ZMAT5: variants seen among roughly 807,000 people sequenced by gnomAD.
The protein encoded by ZMAT5 is zinc finger matrin-type protein 5.
Under a neutral mutation model 28.0 loss-of-function variants are expected in ZMAT5, and 23 were observed. The observed-to-expected ratio is 0.82, with a 90% CI of 0.59 to 1.16. ZMAT5 has a LOEUF of 1.16. ZMAT5 is among the 50% of genes most tolerant of loss of function. The pLI is 0.00. For missense variants in ZMAT5, 173 were observed against 212.7 expected (o/e 0.81, Z 1.16); for synonymous variants, 76 against 84.1 (o/e 0.90, Z 0.52).
At chr22:29,754,475 G>A (rs1483920790) in intron 1 of ZMAT5, among the ~76,000 whole-genome samples, 1 of 152,218 alleles carries the variant, frequency 6.6e-6, no homozygotes. Flanking sequence ...CTGCTTATGA[G>A]CTGGGTGACC....
At chr22:29,766,188 G>A (rs1360322490) in intron 1 of ZMAT5, among the ~76,000 whole-genome samples, 1 of 152,170 alleles carries the variant, frequency 6.6e-6, no homozygotes, top group Non-Finnish European at 1.5e-5. Flanking sequence ...CGTAAGGTGG[G>A]TTCCAAGGCC....
chr22:29,731,070 C>T lies in ZMAT5; in HGVS notation c.*155G>A, dbSNP rs561882076. 3.1e-5 allele frequency: 23 copies of T among 740,884 alleles called. No homozygotes were observed. The highest frequency in any genetic ancestry group is 2.1e-4 in the East Asian group (7 of 33,050). 45.9% of individuals were successfully genotyped at this position (740,884 alleles called of 1,614,324 possible). A position where few individuals can be genotyped will look rare whatever the true frequency, so the allele number is the denominator to read the frequency against. On this transcript the variant is annotated 3_prime_UTR_variant, in exon 6 of 6. Coordinates refer to ENST00000344318, the MANE Select transcript of ZMAT5 (RefSeq NM_001003692.2). ...AGAGCTGCCCGGTGCAGACCCAGGACGAGGGCTGCACTTGGTGTGGCCGTG... is the reference window on the plus strand; with the variant it reads ...AGAGCTGCCCGGTGCAGACCCAGGATGAGGGCTGCACTTGGTGTGGCCGTG...
rs774617681 is a variant in ZMAT5, at chr22:29,738,456, A to C, written c.272-15T>G. 37 of 1,606,458 alleles carry C rather than the reference A, an allele frequency of 2.3e-5. No individual in the cohort carries two copies. The highest frequency in any genetic ancestry group is 3.1e-5 in the Non-Finnish European group (37 of 1,178,216). On this transcript the variant is annotated splice_polypyrimidine_tract_variant and intron_variant, in intron 4 of 5. Coordinates refer to ENST00000344318, the MANE Select transcript of ZMAT5 (RefSeq NM_001003692.2). ...TCGCCTCTCCTCTGTGGGGACAGGG[A>C]GACAAAGGCAAGTGAGGGGTACACT...
chr22:29,753,515 A>T (rs1601726570), intron 1 of ZMAT5, among the ~76,000 whole-genome samples: 1 of 151,298 alleles, frequency 6.6e-6, no homozygotes. Flanking sequence ...ACAGAGCAAG[A>T]CTCCATCTGA....
intron 5 of ZMAT5, among the ~76,000 whole-genome samples, chr22:29,736,470 A>C (rs982150275): frequency 6.6e-6 from 1 of 152,204 alleles, no homozygotes; most frequent in African/African-American, 2.4e-5. Context: ...CTGTAATCCC[A>C]GCACTCTGGG....
intron 1 of ZMAT5, among the ~76,000 whole-genome samples, chr22:29,759,408 C>G (rs2068134025): frequency 6.6e-6 from 1 of 152,150 alleles, no homozygotes; most frequent in South Asian, 2.1e-4. Flanking sequence ...TAAGCAGCAT[C>G]AGATCAACTC....
chr22:29,755,691 ACT>A (rs759845319), intron 1 of ZMAT5, among the ~76,000 whole-genome samples: 17 of 152,206 alleles, frequency 1.1e-4, no homozygotes, highest in Non-Finnish European at 1.9e-4. Context: ...GGCCAGAAAG[ACT>A]CTAATAATAA....
At chr22:29,755,355 GA>G (rs2068090500) in intron 1 of ZMAT5, among the ~76,000 whole-genome samples, 2 of 37,406 alleles carry the variant, frequency 5.3e-5, no homozygotes, top group Admixed American at 3.9e-4. Context: ...GGGAGGGAGG[GA>G]GGGAGGGAGG....
At chr22:29,739,465 C>T (rs2147219515) in intron 4 of ZMAT5, among the ~76,000 whole-genome samples, 1 of 152,340 alleles carries the variant, frequency 6.6e-6, no homozygotes, top group Non-Finnish European at 1.5e-5. Context: ...GTACAGGTGT[C>T]ATCTTGCTTC....
At chr22:29,760,032 C>G (rs1340961234) in intron 1 of ZMAT5, among the ~76,000 whole-genome samples, 1 of 152,100 alleles carries the variant, frequency 6.6e-6, no homozygotes. Context: ...GAAACCCCAT[C>G]TCTACTAAAA....
At chr22:29,736,753 G>T (rs970839098) in intron 5 of ZMAT5, among the ~76,000 whole-genome samples, 2 of 150,396 alleles carry the variant, frequency 1.3e-5, no homozygotes, top group Middle Eastern at 3.4e-3. Context: ...GGCTGGGCGC[G>T]GTGGCTGACA....
At chr22:29,761,477 T>C (rs1223260188) in intron 1 of ZMAT5, among the ~76,000 whole-genome samples, 1 of 151,160 alleles carries the variant, frequency 6.6e-6, no homozygotes, top group Non-Finnish European at 1.5e-5. Flanking sequence ...TCCCAGCTAC[T>C]ACTGCTCAAG....
At chr22:29,752,516 A>G (rs1003930702) in intron 1 of ZMAT5, among the ~76,000 whole-genome samples, 1 of 151,968 alleles carries the variant, frequency 6.6e-6, no homozygotes, top group Admixed American at 6.6e-5. Flanking sequence ...GTGTTCGGCC[A>G]TCCTGGATGG....
At chr22:29,757,314 G>A (rs1169468389) in intron 1 of ZMAT5, among the ~76,000 whole-genome samples, 1 of 150,384 alleles carries the variant, frequency 6.6e-6, no homozygotes, top group African/African-American at 2.4e-5. Context: ...GAGGGTGAGA[G>A]CATGCTCAAG....
intron 1 of ZMAT5, among the ~76,000 whole-genome samples, chr22:29,756,214 G>A (rs1260484643): frequency 6.6e-6 from 1 of 152,214 alleles, no homozygotes; most frequent in Non-Finnish European, 1.5e-5. Context: ...CACAGCCAGA[G>A]GACGGCTTTA....
chr22:29,748,683 C>T (rs1569338316), intron 1 of ZMAT5, 112 bp from the exon 2 acceptor site: 1 of 1,356,330 alleles, frequency 7.4e-7, no homozygotes, highest in Non-Finnish European at 1.0e-6. Flanking sequence ...CTCATATGCA[C>T]CCCGCCCCAT....
In ZMAT5 at chr22:29,731,365, A is replaced by C. The variant is rs971651252; in HGVS notation, c.384-11T>G. The C allele has an allele frequency of 1.1e-5, 17 of 1,543,744 alleles. No homozygotes were observed. The highest frequency in any genetic ancestry group is 1.4e-5 in the Non-Finnish European group (16 of 1,154,298). On this transcript the variant is annotated splice_polypyrimidine_tract_variant and intron_variant, in intron 5 of 5. Transcript: ENST00000344318. ...CTGATGGGTTCAGCCCTAGAGAGAG[A>C]GAGAGAAGCGGGGAGAATAAGAGTG...
intron 1 of ZMAT5, among the ~76,000 whole-genome samples, chr22:29,753,949 C>A (rs1389550106): frequency 6.6e-6 from 1 of 152,086 alleles, no homozygotes; most frequent in East Asian, 1.9e-4. Context: ...GTTCAACTTG[C>A]AGAATCCTCT....
Position 29,748,572 on chromosome 22 carries a change from C to T in ZMAT5, c.-27-1G>A, listed in dbSNP as rs759915670. On this transcript the variant is annotated splice_acceptor_variant, in intron 1 of 5. Coordinates refer to ENST00000344318, the MANE Select transcript of ZMAT5 (RefSeq NM_001003692.2). LOFTEE classifies it low-confidence loss of function (5UTR_SPLICE). Reference sequence around the variant, plus strand: ...CCACTCAGAGCAGGTGCTTTGCTGCCTGGGAAGCCACAAAGAGCTCAGATT... The same window carrying T: ...CCACTCAGAGCAGGTGCTTTGCTGCTTGGGAAGCCACAAAGAGCTCAGATT... The T allele has an allele frequency of 6.2e-7, 1 of 1,613,312 alleles. No individual in the cohort carries two copies. Among genetic ancestry groups the T allele is most frequent in the South Asian group, 1.1e-5 (1 of 91,048 alleles).
Sources: allele counts gnomAD v4.1 joint callset (sites outside exome capture counted in the v4.1 genomes callset), GRCh38; gene constraint gnomAD v4.1.1; transcripts MANE v1.5; gene names NCBI Gene and HGNC (gene_info 2026-07-23, HGNC 2026-07-21).